CACNG5: variants seen among roughly 807,000 people sequenced by gnomAD.
CACNG5 encodes the protein voltage-dependent calcium channel gamma-5 subunit.
Under a neutral mutation model 24.8 loss-of-function variants are expected in CACNG5, and 18 were observed. The ratio of observed to expected loss-of-function variants is 0.73; its 90% CI spans 0.50 to 1.08. CACNG5 has a LOEUF of 1.08. CACNG5 is among the 50% of genes least tolerant of loss of function. The pLI is 0.00. For synonymous variants in CACNG5, 157 were observed against 149.1 expected (o/e 1.05, Z -0.39); for missense variants, 349 against 367.9 (o/e 0.95, Z 0.42).
intron 4 of CACNG5, among the ~76,000 whole-genome samples, chr17:66,882,695 T>C (rs1448061104): frequency 6.6e-6 from 1 of 151,966 alleles, no homozygotes; most frequent in Non-Finnish European, 1.5e-5. Flanking sequence ...GGGGAGAAGA[T>C]GCTTGGATGG....
At chr17:66,876,989 GA>G (rs1977086132) in intron 1 of CACNG5, among the ~76,000 whole-genome samples, 1 of 151,426 alleles carries the variant, frequency 6.6e-6, no homozygotes, top group African/African-American at 2.4e-5. Context: ...CTGAATGAAT[GA>G]ATGAATGAAT....
rs745605579 is a variant in CACNG5, at chr17:66,892,260, G to T, written c.*7020G>T. Among the ~76,000 whole-genome samples, 9 of 152,244 alleles carry T rather than the reference G, an allele frequency of 5.9e-5. No homozygotes were observed. Among genetic ancestry groups the T allele is most frequent in the Non-Finnish European group, 1.2e-4 (8 of 68,048 alleles). On this transcript the variant is annotated 3_prime_UTR_variant, in exon 6 of 6. Transcript: ENST00000533854. ...CTGGGGCAAGACGCCAAATTCATGG[G>T]CTCATGCCCAGCCCTTCTGCCTCTG...
chr17:66,881,414 C>G (rs1051746421), intron 4 of CACNG5, among the ~76,000 whole-genome samples: 3 of 152,198 alleles, frequency 2.0e-5, no homozygotes, highest in Non-Finnish European at 2.9e-5. Flanking sequence ...CCCCCATCCC[C>G]CAGCTGTCCT....
At chr17:66,882,521 G>T (rs1672520585) in intron 4 of CACNG5, among the ~76,000 whole-genome samples, 6 of 152,130 alleles carry the variant, frequency 3.9e-5, no homozygotes, top group Admixed American at 3.9e-4. Context: ...AGAGTGAGAA[G>T]GGGAAAGAAA....
intron 1 of CACNG5, among the ~76,000 whole-genome samples, chr17:66,875,677 C>G (rs887868445): frequency 1.3e-5 from 2 of 152,224 alleles, no homozygotes. Context: ...TGGGGCAGGG[C>G]CCTAGGACTC....
chr17:66,841,788 T>C (rs991066559), intron 1 of CACNG5, among the ~76,000 whole-genome samples: 1 of 152,200 alleles, frequency 6.6e-6, no homozygotes, highest in African/African-American at 2.4e-5. Context: ...ATTCATCTTC[T>C]CCACAATCTA....
At chr17:66,877,108 G>T in intron 1 of CACNG5, 122 bp from the exon 2 acceptor site, 1 of 521,104 alleles carries the variant, frequency 1.9e-6, no homozygotes, top group Non-Finnish European at 3.4e-6. Flanking sequence ...GGGTTAGGGG[G>T]AGGGTGGCAC....
rs1977372250 is a variant in CACNG5 at position 66,893,532 on chromosome 17, T to C, written c.*8292T>C. The stretch of plus-strand genomic sequence containing the variant: ...GACACAAGTTTGGCCATGGAACATG[T>C]TTGGCGTGTGTGGTTAGGGGTCATC... On this transcript the variant is annotated 3_prime_UTR_variant, in exon 6 of 6. Coordinates refer to ENST00000533854, the MANE Select transcript of CACNG5 (RefSeq NM_145811.3). Among the ~76,000 whole-genome samples the C allele has an allele frequency of 6.6e-6, 1 of 152,204 alleles. No individual in the cohort carries two copies. The highest frequency in any genetic ancestry group is 2.4e-5 in the African/African-American group (1 of 41,446).
Position 66,863,789 on chromosome 17 carries a change from G to T in CACNG5, c.-103-13441G>T, listed in dbSNP as rs530150442. 2.8e-3 allele frequency among the ~76,000 whole-genome samples: 430 copies of T among 152,180 alleles called. 3 individuals carry two copies. The highest frequency in any genetic ancestry group is 9.8e-3 in the African/African-American group (409 of 41,528). ...GAAGAATCTGTTTAGTAATTTTTTT[G>T]ATTCAAGTCTGCTGATAACAACTTT... is the stretch of plus-strand genomic sequence containing the variant. On this transcript the variant is annotated intron_variant, in intron 1 of 5. Transcript: ENST00000533854.
chr17:66,870,782 C>A (rs995134606), intron 1 of CACNG5, among the ~76,000 whole-genome samples: 1 of 152,158 alleles, frequency 6.6e-6, no homozygotes, highest in African/African-American at 2.4e-5. Context: ...AGTTCAAGAC[C>A]AGCCTGGCTG....
intron 4 of CACNG5, among the ~76,000 whole-genome samples, chr17:66,881,243 G>A (rs951911064): frequency 2.6e-5 from 4 of 152,090 alleles, no homozygotes; most frequent in African/African-American, 7.2e-5. Flanking sequence ...GACAAATCTG[G>A]GATTGGAACC....
chr17:66,884,951 C>T (rs571243635), intron 5 of CACNG5, 32 bp from the exon 6 acceptor site: 18 of 1,613,966 alleles, frequency 1.1e-5, no homozygotes, highest in African/African-American at 2.7e-5. Flanking sequence ...GCCCCAGCAG[C>T]GAGCCCATCC....
chr17:66,870,905 G>GTT (rs1976996686), intron 1 of CACNG5, among the ~76,000 whole-genome samples: 1 of 151,936 alleles, frequency 6.6e-6, no homozygotes, highest in African/African-American at 2.4e-5. Flanking sequence ...GCTTGAACCT[G>GTT]GGAGGCAGAG....
intron 1 of CACNG5, among the ~76,000 whole-genome samples, chr17:66,873,584 G>T (rs1016209132): frequency 6.6e-6 from 1 of 152,178 alleles, no homozygotes; most frequent in Non-Finnish European, 1.5e-5. Flanking sequence ...TGCTTCAGAA[G>T]CTCTGATCCA....
In CACNG5 at chr17:66,889,240, C is replaced by T. The variant is rs1977307267; in HGVS notation, c.*4000C>T. On this transcript the variant is annotated 3_prime_UTR_variant, in exon 6 of 6. Transcript: ENST00000533854. ...CCTCCCAAAGTGCTGGGATTACAGG[C>T]ATGAGCCACTGTGCCCATCCTCTAC... Among the ~76,000 whole-genome samples the T allele has an allele frequency of 6.6e-6, 1 of 152,212 alleles. No individual in the cohort carries two copies. Among genetic ancestry groups the T allele is most frequent in the East Asian group, 1.9e-4 (1 of 5,192 alleles).
At chr17:66,853,671 C>CA (rs1186454797) in intron 1 of CACNG5, among the ~76,000 whole-genome samples, 2 of 151,950 alleles carry the variant, frequency 1.3e-5, no homozygotes, top group Non-Finnish European at 2.9e-5. Flanking sequence ...TTTAACATTA[C>CA]AAAATCTATA....
Position 66,884,657 on chromosome 17 carries a change from C to G in CACNG5, c.566C>G (p.Thr189Arg). The change falls in exon 5 of 6, where the codon ACG becomes AGG. Residue 189 changes from threonine to arginine, a missense_variant. Thr to Arg is a moderately conservative substitution (Grantham distance 71, BLOSUM62 -1). Coordinates refer to ENST00000533854, the MANE Select transcript of CACNG5 (RefSeq NM_145811.3). ...FAFAAISFLL[T>R]ESAGVMSVYL... ...TTCGCCGCCATCTCCTTCCTTTTAA[C>G]GGAGGTAAAGCCCGTCACCCTAAGT... 6.2e-7 allele frequency: 1 copy of G among 1,614,168 alleles called. No homozygotes were observed. Among genetic ancestry groups the G allele is most frequent in the Non-Finnish European group, 8.5e-7 (1 of 1,180,014 alleles).
intron 3 of CACNG5, among the ~76,000 whole-genome samples, chr17:66,879,839 G>A (rs1977133012): frequency 6.6e-6 from 1 of 152,134 alleles, no homozygotes; most frequent in Admixed American, 6.6e-5. Context: ...TATTGATCAT[G>A]TGATTGAACT....
rs776151939 is a variant in CACNG5, at chr17:66,836,547, G to A, written c.-104+1297G>A. On this transcript the variant is annotated intron_variant, in intron 1 of 5. Transcript: ENST00000533854. ...GACCCTGTAGCCAGCCCCTCATGCC[G>A]AAGTCTCCTGCCTGCCTGAGAAGCC... is the stretch of plus-strand genomic sequence containing the variant. 6.5e-4 allele frequency among the ~76,000 whole-genome samples: 99 copies of A among 152,284 alleles called. 2 individuals are homozygous for A. Among genetic ancestry groups the A allele is most frequent in the Middle Eastern group, 3.4e-3 (1 of 294 alleles).
Sources: gnomAD v4.1 joint callset for allele counts (sites outside exome capture counted in the v4.1 genomes callset) on GRCh38, gnomAD v4.1.1 for gene constraint, MANE v1.5 for transcripts, NCBI Gene and HGNC (gene_info 2026-07-23, HGNC 2026-07-21) for gene names.